The following INSYN2B variants were observed in gnomAD, a reference collection of about 807,000 sequenced individuals.
INSYN2B encodes the protein inhibitory synaptic factor family member 2B.
Under a neutral mutation model 41.2 loss-of-function variants are expected in INSYN2B, and 16 were observed. That is an observed-to-expected ratio of 0.39 (90% confidence interval 0.26 to 0.59). INSYN2B has a LOEUF of 0.59. Ranked by LOEUF, INSYN2B falls within the 20% of genes least tolerant of loss-of-function variation. The pLI, the probability that INSYN2B is intolerant of heterozygous loss-of-function variation, is 0.57. For missense variants in INSYN2B, 608 were observed against 646.4 expected, an observed-to-expected ratio of 0.94 and a Z score of 0.64; for synonymous variants, 245 against 244.4, an observed-to-expected ratio of 1.00 and a Z score of -0.02.
intron 1 of INSYN2B, among the ~76,000 whole-genome samples, chr5:169,967,460 A>G (rs912577998): frequency 6.6e-6 from 1 of 152,182 alleles, no homozygotes; most frequent in African/African-American, 2.4e-5. Flanking sequence ...GGGAATTAGT[A>G]TAAGTTCTGT....
At chr5:169,972,170 G>A (rs1017981788) in intron 1 of INSYN2B, among the ~76,000 whole-genome samples, 4 of 152,048 alleles carry the variant, frequency 2.6e-5, no homozygotes, top group African/African-American at 9.7e-5. Context: ...TATCAATCTT[G>A]TAGTTTCTCA....
At chr5:169,873,101 A>G (rs1006870759) in intron 3 of INSYN2B, among the ~76,000 whole-genome samples, 2 of 152,204 alleles carry the variant, frequency 1.3e-5, no homozygotes, top group Non-Finnish European at 2.9e-5. Flanking sequence ...TTTTATATTT[A>G]TGGCATGTGT....
intron 1 of INSYN2B, among the ~76,000 whole-genome samples, chr5:169,969,094 G>A (rs1317183727): frequency 2.0e-5 from 3 of 152,138 alleles, no homozygotes; most frequent in African/African-American, 4.8e-5. Flanking sequence ...AGGCTACAGT[G>A]AGCCATGATC....
chr5:169,916,198 G>A (rs912061693), intron 1 of INSYN2B, among the ~76,000 whole-genome samples: 4 of 152,224 alleles, frequency 2.6e-5, no homozygotes, highest in African/African-American at 9.6e-5. Flanking sequence ...TCTTTTAAGA[G>A]TGTGGGATTC....
intron 3 of INSYN2B, among the ~76,000 whole-genome samples, chr5:169,871,856 G>A (rs984672708): frequency 2.0e-5 from 3 of 152,124 alleles, no homozygotes; most frequent in African/African-American, 7.2e-5. Context: ...CAATTTCAGG[G>A]CAGCCTTGAA....
chr5:169,943,985 C>A (rs1236529124), intron 1 of INSYN2B, among the ~76,000 whole-genome samples: 1 of 152,206 alleles, frequency 6.6e-6, no homozygotes, highest in Non-Finnish European at 1.5e-5. Flanking sequence ...TAAGAGTGGG[C>A]TAATAGCATG....
chr5:169,889,932 C>T (rs529562593), intron 1 of INSYN2B, among the ~76,000 whole-genome samples: 41 of 152,298 alleles, frequency 2.7e-4, no homozygotes, highest in Non-Finnish European at 4.0e-4. Flanking sequence ...GACACATTGC[C>T]GTGTCCCTTC....
At chr5:169,919,828 G>A (rs1341272403) in intron 1 of INSYN2B, among the ~76,000 whole-genome samples, 1 of 152,192 alleles carries the variant, frequency 6.6e-6, no homozygotes, top group Non-Finnish European at 1.5e-5. Context: ...AGGACCTGAA[G>A]TTAAATTTGA....
chr5:169,957,195 G>T (rs1776905589), intron 1 of INSYN2B, among the ~76,000 whole-genome samples: 1 of 152,186 alleles, frequency 6.6e-6, no homozygotes, highest in Admixed American at 6.5e-5. Flanking sequence ...AAATAATGGT[G>T]AATAAATGAA....
chr5:169,872,044 C>T (rs958728739), intron 3 of INSYN2B, among the ~76,000 whole-genome samples: 8 of 152,158 alleles, frequency 5.3e-5, no homozygotes, highest in African/African-American at 1.9e-4. Flanking sequence ...TGCCAACAAG[C>T]CACTGCCATC....
chr5:169,864,325 TC>T lies in INSYN2B; in HGVS notation c.1555del (p.Asp519ThrfsTer2). 6.4e-7 allele frequency: 1 copy of T among 1,551,644 alleles called. No homozygotes were observed. Among genetic ancestry groups the T allele is most frequent in the Non-Finnish European group, 8.7e-7 (1 of 1,146,956 alleles). On this transcript the variant is annotated frameshift_variant, in exon 4 of 4. Coordinates refer to ENST00000377365, the MANE Select transcript of INSYN2B (RefSeq NM_001129891.3). LOFTEE classifies it high-confidence loss of function. ...CACCTTCTTGGTTTTCCGCCTTAAG[TC>T]CTGCTTTTCCGGGGCTGGGGGTTCT... ...PAEPPAPEKQ[D>X]LRRKTKKVKK...
At chr5:169,877,695 A>G (rs1452523505) in intron 3 of INSYN2B, among the ~76,000 whole-genome samples, 1 of 152,208 alleles carries the variant, frequency 6.6e-6, no homozygotes, top group Non-Finnish European at 1.5e-5. Flanking sequence ...ATATCAGATA[A>G]AAGGTAGCAG....
chr5:169,881,922 A>G (rs1442227609), intron 2 of INSYN2B, among the ~76,000 whole-genome samples: 3 of 152,198 alleles, frequency 2.0e-5, no homozygotes, highest in Non-Finnish European at 4.4e-5. Context: ...AGCATTTCGC[A>G]TCTAAACAAA....
At chr5:169,963,297 A>C (rs2113749765) in intron 1 of INSYN2B, among the ~76,000 whole-genome samples, 1 of 152,280 alleles carries the variant, frequency 6.6e-6, no homozygotes, top group Admixed American at 6.5e-5. Context: ...AAATCAAATT[A>C]AATCCAACCC....
At position 169,883,026 on chromosome 5, in the gene INSYN2B, G is replaced by A. The variant is rs1401946727; in HGVS notation, c.873C>T (p.Gly291=). 6.4e-7 allele frequency: 1 copy of A among 1,551,678 alleles called. No individual in the cohort carries two copies. Among genetic ancestry groups the A allele is most frequent in the East Asian group, 2.4e-5 (1 of 40,926 alleles). ...PKDNSDDKDL[G]SLSSQSKETC... ...TTTCCTTTGACTGAGATGACAGTGA[G>A]CCAAGGTCTTTGTCATCTGAGTTGT... Residue 291 remains glycine, a synonymous_variant, in exon 2 of 4, where the codon GGC becomes GGT. Coordinates refer to ENST00000377365, the MANE Select transcript of INSYN2B (RefSeq NM_001129891.3).
At chr5:169,970,429 A>T (rs772300349) in intron 1 of INSYN2B, among the ~76,000 whole-genome samples, 1 of 152,244 alleles carries the variant, frequency 6.6e-6, no homozygotes, top group Non-Finnish European at 1.5e-5. Flanking sequence ...GGAAAGAACA[A>T]TCACTTTGTT....
chr5:169,892,583 G>A (rs992097822), intron 1 of INSYN2B, among the ~76,000 whole-genome samples: 3 of 152,194 alleles, frequency 2.0e-5, no homozygotes, highest in African/African-American at 7.2e-5. Flanking sequence ...TCCGATGGAT[G>A]GGCAAGCCAC....
chr5:169,883,702 C>G lies in INSYN2B; in HGVS notation c.197G>C (p.Gly66Ala), dbSNP rs1206932230. 3 of 1,551,296 alleles carry G rather than the reference C, an allele frequency of 1.9e-6. No individual in the cohort carries two copies. The highest frequency in any genetic ancestry group is 2.4e-5 in the East Asian group (1 of 40,914). ...VQTPEDPAVM[G>A]KTQATRHHLP... ...ATGGTGCCTGGTTGCTTGAGTCTTC[C>G]CCATCACAGCCGGGTCTTCTGGAGT... is the stretch of plus-strand genomic sequence containing the variant. The change falls in exon 2 of 4, where the codon GGG becomes GCG. Residue 66 changes from glycine to alanine, a missense_variant. Transcript: ENST00000377365.
chr5:169,898,907 A>G (rs888580240), intron 1 of INSYN2B, among the ~76,000 whole-genome samples: 1 of 152,358 alleles, frequency 6.6e-6, no homozygotes, highest in South Asian at 2.1e-4. Flanking sequence ...GAGCAACCAC[A>G]GAGACTAAAG....
Sources: allele counts gnomAD v4.1 joint callset (sites outside exome capture counted in the v4.1 genomes callset), GRCh38; gene constraint gnomAD v4.1.1; transcripts MANE v1.5; gene names NCBI Gene and HGNC (gene_info 2026-07-23, HGNC 2026-07-21).